DENND1A: variants seen among roughly 807,000 people sequenced by gnomAD.
The protein encoded by DENND1A is DENN domain containing 1A.
DENND1A carries 51 observed loss-of-function variants against 113.7 expected under a neutral mutation model. That is an observed-to-expected ratio of 0.45 (90% CI 0.36 to 0.57). The LOEUF is 0.57. Among genes scored for constraint, DENND1A ranks in the 20% least tolerant of loss-of-function variants. The probability of loss-of-function intolerance (pLI) is 0.00; values close to 1 mark genes in which losing one functional copy is unlikely to be tolerated. For missense variants in DENND1A, 1,258 were observed against 1,395.9 expected (o/e 0.90, Z 1.57); for synonymous variants, 565 against 570.8 (o/e 0.99, Z 0.14).
intron 5 of DENND1A, among the ~76,000 whole-genome samples, chr9:123,739,114 T>C (rs1047944671): frequency 6.6e-6 from 1 of 152,184 alleles, no homozygotes; most frequent in Non-Finnish European, 1.5e-5. Context: ...CTCCATACTC[T>C]CAAGAAATCT....
chr9:123,440,598 T>A, intron 18 of DENND1A, 107 bp from the exon 19 acceptor site: 1 of 1,374,018 alleles, frequency 7.3e-7, no homozygotes, highest in Non-Finnish European at 9.4e-7. Context: ...CGTGACATTC[T>A]GAGCCTGACC....
At chr9:123,552,882 A>G (rs182682388) in intron 13 of DENND1A, among the ~76,000 whole-genome samples, 3 of 152,260 alleles carry the variant, frequency 2.0e-5, no homozygotes, top group African/African-American at 7.2e-5. Context: ...GCCTAAGAAA[A>G]TAATTCAAAC....
chr9:123,549,937 G>A (rs983249814), intron 13 of DENND1A, among the ~76,000 whole-genome samples: 3 of 152,096 alleles, frequency 2.0e-5, no homozygotes, highest in African/African-American at 2.4e-5. Context: ...AAACAAATCC[G>A]AAAACAGTTT....
intron 13 of DENND1A, among the ~76,000 whole-genome samples, chr9:123,517,096 C>CA (rs1445810815): frequency 6.6e-6 from 1 of 150,926 alleles, no homozygotes; most frequent in Non-Finnish European, 1.5e-5. Flanking sequence ...ACTAAAAACA[C>CA]AAAAAAGTTA....
At chr9:123,864,472 C>T (rs758033439) in intron 2 of DENND1A, among the ~76,000 whole-genome samples, 8 of 152,130 alleles carry the variant, frequency 5.3e-5, no homozygotes, top group Non-Finnish European at 8.8e-5. Context: ...AGGCTGACGC[C>T]GAGGCCCGGG....
At chr9:123,568,866 G>A (rs1160751515) in intron 12 of DENND1A, among the ~76,000 whole-genome samples, 3 of 152,152 alleles carry the variant, frequency 2.0e-5, no homozygotes, top group African/African-American at 4.8e-5. Flanking sequence ...CAGTGTCCCC[G>A]CTGTGATGAA....
At chr9:123,693,299 C>A (rs553953507) in intron 5 of DENND1A, among the ~76,000 whole-genome samples, 1 of 152,300 alleles carries the variant, frequency 6.6e-6, no homozygotes, top group South Asian at 2.1e-4. Context: ...CTGTCCTTCC[C>A]ACCATCTCTC....
chr9:123,645,570 G>A (rs1265438057), intron 9 of DENND1A, among the ~76,000 whole-genome samples: 7 of 152,258 alleles, frequency 4.6e-5, no homozygotes, highest in South Asian at 2.1e-4. Context: ...CCCAAACTCC[G>A]CAGAACCTCT....
At chr9:123,485,308 G>A (rs1283870746) in intron 13 of DENND1A, among the ~76,000 whole-genome samples, 1 of 152,166 alleles carries the variant, frequency 6.6e-6, no homozygotes, top group African/African-American at 2.4e-5. Context: ...TAGCAGGTGT[G>A]GGCAATAATT....
intron 22 of DENND1A, 35 bp from the exon 23 acceptor site, chr9:123,383,948 C>G: frequency 5.0e-6 from 8 of 1,585,122 alleles, no homozygotes; most frequent in Middle Eastern, 3.3e-4. Context: ...CTCTCCCACC[C>G]AGGCCTTCAG....
chr9:123,706,295 C>T (rs1350511054), intron 5 of DENND1A, among the ~76,000 whole-genome samples: 7 of 151,744 alleles, frequency 4.6e-5, no homozygotes, highest in Admixed American at 4.6e-4. Context: ...GGATTACAGG[C>T]GTCCGCCACC....
chr9:123,519,136 T>A (rs771455629), intron 13 of DENND1A, among the ~76,000 whole-genome samples: 1 of 152,250 alleles, frequency 6.6e-6, no homozygotes, highest in Non-Finnish European at 1.5e-5. Flanking sequence ...CAAGAGGACT[T>A]CCCTGATGCA....
intron 3 of DENND1A, among the ~76,000 whole-genome samples, chr9:123,773,997 G>A (rs906699053): frequency 6.6e-6 from 1 of 152,130 alleles, no homozygotes. Context: ...ATTTACCTTT[G>A]TCCAAAAACG....
intron 5 of DENND1A, among the ~76,000 whole-genome samples, chr9:123,682,090 C>A (rs2064502538): frequency 6.6e-6 from 1 of 152,198 alleles, no homozygotes; most frequent in South Asian, 2.1e-4. Context: ...TCATCTTGAC[C>A]TCAGCAGAGC....
At chr9:123,840,040 A>C (rs1459981971) in intron 2 of DENND1A, among the ~76,000 whole-genome samples, 1 of 151,652 alleles carries the variant, frequency 6.6e-6, no homozygotes, top group Non-Finnish European at 1.5e-5. Context: ...TTGTTATAAT[A>C]GTTAGAAATG....
At chr9:123,722,384 T>C (rs1394538172) in intron 5 of DENND1A, among the ~76,000 whole-genome samples, 3 of 152,214 alleles carry the variant, frequency 2.0e-5, no homozygotes, top group Non-Finnish European at 4.4e-5. Context: ...CCCATTTTGC[T>C]GAGGAGAAAT....
At chr9:123,665,217 C>T (rs2063437509) in intron 8 of DENND1A, among the ~76,000 whole-genome samples, 1 of 152,116 alleles carries the variant, frequency 6.6e-6, no homozygotes, top group Non-Finnish European at 1.5e-5. Context: ...CATTTATTTC[C>T]TGTAGGATAT....
At chr9:123,697,742 C>G (rs991067395) in intron 5 of DENND1A, among the ~76,000 whole-genome samples, 1 of 152,038 alleles carries the variant, frequency 6.6e-6, no homozygotes, top group South Asian at 2.1e-4. Flanking sequence ...AGCCTCAATG[C>G]GAAAAACCAG....
At chr9:123,551,976 G>GGAAAGAGAGA in intron 13 of DENND1A, among the ~76,000 whole-genome samples, 1 of 146,116 alleles carries the variant, frequency 6.8e-6, no homozygotes, top group South Asian at 2.2e-4. Flanking sequence ...TTTTTCATTA[G>GGAAAGAGAGA]GAAAGAGAGA....
Sources: allele counts gnomAD v4.1 joint callset (sites outside exome capture counted in the v4.1 genomes callset), GRCh38; gene constraint gnomAD v4.1.1; transcripts MANE v1.5; gene names NCBI Gene and HGNC (gene_info 2026-07-23, HGNC 2026-07-21).